The following DNER variants were observed in gnomAD, a reference collection of about 807,000 sequenced individuals.
The protein encoded by DNER is delta/notch like EGF repeat containing.
A neutral mutation model predicts 78.2 loss-of-function variants in DNER; 33 were observed. That is an observed-to-expected ratio of 0.42 (90% CI 0.32 to 0.56). DNER has a LOEUF of 0.56. Among genes scored for constraint, DNER ranks in the 20% least tolerant of loss-of-function variants. The probability of loss-of-function intolerance (pLI) is 0.11; values close to 1 mark genes in which losing one functional copy is unlikely to be tolerated. For synonymous variants in DNER, 417 were observed against 384.8 expected (o/e 1.08, Z -0.98); for missense variants, 918 against 975.3 (o/e 0.94, Z 0.78).
At chr2:229,515,785 C>A (rs1460740519) in intron 5 of DNER, among the ~76,000 whole-genome samples, 4 of 151,922 alleles carry the variant, frequency 2.6e-5, no homozygotes, top group Non-Finnish European at 5.9e-5. Flanking sequence ...GGATTACAGG[C>A]TCCTGCCACC....
chr2:229,609,336 C>A (rs181734577), intron 1 of DNER, among the ~76,000 whole-genome samples: 15 of 152,348 alleles, frequency 9.8e-5, no homozygotes, highest in Admixed American at 6.5e-4. Context: ...ATCTGACCTG[C>A]AACCTGTGTC....
At chr2:229,607,782 G>T (rs1014765569) in intron 1 of DNER, among the ~76,000 whole-genome samples, 6 of 152,060 alleles carry the variant, frequency 3.9e-5, no homozygotes, top group African/African-American at 1.2e-4. Flanking sequence ...CAGCACTTTG[G>T]GGGGCCGAGG....
rs1188720252 is a variant in DNER at position 229,517,162 on chromosome 2, G to GA, written c.994-4227dup. On this transcript the variant is annotated intron_variant, in intron 5 of 12. Transcript: ENST00000341772. ...TTAATAAAAGGAAACTTCTAGGTTAGAAAAAAAATCACACATGCATTCACT... is the reference window on the plus strand; with the variant it reads ...TTAATAAAAGGAAACTTCTAGGTTAGAAAAAAAAATCACACATGCATTCACT... Among the ~76,000 whole-genome samples, 6 of 149,872 alleles carry GA rather than the reference G, an allele frequency of 4.0e-5. No homozygotes were observed. The South Asian group carries it at 6.4e-4, about 16-fold the overall frequency.
At chr2:229,458,919 C>G (rs1262467369) in intron 7 of DNER, among the ~76,000 whole-genome samples, 1 of 152,018 alleles carries the variant, frequency 6.6e-6, no homozygotes, top group Non-Finnish European at 1.5e-5. Context: ...ATTTAGCAAA[C>G]TGTCAGCATA....
At chr2:229,530,330 G>A (rs1406182724) in intron 5 of DNER, among the ~76,000 whole-genome samples, 2 of 152,126 alleles carry the variant, frequency 1.3e-5, no homozygotes, top group Non-Finnish European at 2.9e-5. Flanking sequence ...AATGACCTTT[G>A]AACTCTGGGC....
intron 6 of DNER, among the ~76,000 whole-genome samples, chr2:229,489,973 G>A (rs1382336209): frequency 6.6e-6 from 1 of 152,126 alleles, no homozygotes; most frequent in Non-Finnish European, 1.5e-5. Flanking sequence ...TAACGAGGAA[G>A]AGAGAGTGGA....
chr2:229,638,522 T>A (rs1374254928), intron 1 of DNER, among the ~76,000 whole-genome samples: 1 of 152,188 alleles, frequency 6.6e-6, no homozygotes, highest in Non-Finnish European at 1.5e-5. Flanking sequence ...ATTCGCTTGG[T>A]GCACAAATCT....
chr2:229,488,688 C>T (rs894803432), intron 6 of DNER, among the ~76,000 whole-genome samples: 1 of 152,216 alleles, frequency 6.6e-6, no homozygotes, highest in African/African-American at 2.4e-5. Flanking sequence ...TTTGAAAAGA[C>T]TGTGAGGGCC....
chr2:229,371,599 C>T (rs1046171125), intron 11 of DNER, among the ~76,000 whole-genome samples: 1 of 152,216 alleles, frequency 6.6e-6, no homozygotes, highest in Non-Finnish European at 1.5e-5. Context: ...TTGAGCTAGG[C>T]AGAGGTGCTA....
intron 1 of DNER, among the ~76,000 whole-genome samples, chr2:229,637,768 A>G (rs1698553010): frequency 6.6e-6 from 1 of 152,206 alleles, no homozygotes; most frequent in South Asian, 2.1e-4. Context: ...TTAAATATTT[A>G]CCACTGCTCT....
chr2:229,604,764 C>T (rs191744868), intron 1 of DNER, among the ~76,000 whole-genome samples: 3 of 152,284 alleles, frequency 2.0e-5, no homozygotes, highest in African/African-American at 7.2e-5. Flanking sequence ...ATCAGTGGCT[C>T]TGCAGATAAC....
chr2:229,429,307 C>A (rs994302877), intron 8 of DNER, among the ~76,000 whole-genome samples: 1 of 152,206 alleles, frequency 6.6e-6, no homozygotes, highest in African/African-American at 2.4e-5. Flanking sequence ...ATGGGGAGCA[C>A]TGGACCATCA....
At chr2:229,687,146 C>T (rs931664403) in intron 1 of DNER, among the ~76,000 whole-genome samples, 11 of 152,060 alleles carry the variant, frequency 7.2e-5, no homozygotes, top group African/African-American at 2.4e-4. Flanking sequence ...TGTCATAGAG[C>T]TATGCCATTA....
At chr2:229,521,535 A>G (rs1276894943) in intron 5 of DNER, among the ~76,000 whole-genome samples, 1 of 152,226 alleles carries the variant, frequency 6.6e-6, no homozygotes, top group Non-Finnish European at 1.5e-5. Flanking sequence ...GATACAAAAC[A>G]GTAACCATTG....
At chr2:229,471,071 T>C (rs1198676297) in intron 7 of DNER, among the ~76,000 whole-genome samples, 1 of 152,032 alleles carries the variant, frequency 6.6e-6, no homozygotes, top group South Asian at 2.1e-4. Context: ...ATGTTTCTTA[T>C]GTAAATACAT....
intron 9 of DNER, among the ~76,000 whole-genome samples, chr2:229,414,457 G>C (rs1332062962): frequency 6.6e-6 from 1 of 151,906 alleles, no homozygotes; most frequent in East Asian, 1.9e-4. Flanking sequence ...AGTAGAGACG[G>C]GATTTCACTG....
intron 1 of DNER, among the ~76,000 whole-genome samples, chr2:229,610,096 A>G (rs574431702): frequency 6.6e-6 from 1 of 152,350 alleles, no homozygotes; most frequent in South Asian, 2.1e-4. Flanking sequence ...TAAAATATTA[A>G]CATTGTGCCC....
At chr2:229,571,739 C>A (rs1218512423) in intron 4 of DNER, among the ~76,000 whole-genome samples, 2 of 152,146 alleles carry the variant, frequency 1.3e-5, no homozygotes, top group Non-Finnish European at 2.9e-5. Flanking sequence ...AGACCTCCCC[C>A]CCTGAAACCG....
At chr2:229,678,177 C>A (rs1246615478) in intron 1 of DNER, among the ~76,000 whole-genome samples, 2 of 152,178 alleles carry the variant, frequency 1.3e-5, no homozygotes, top group Non-Finnish European at 2.9e-5. Context: ...TCTTCCAGGG[C>A]AGTACACAGT....
Sources: allele counts gnomAD v4.1 joint callset (sites outside exome capture counted in the v4.1 genomes callset), GRCh38; gene constraint gnomAD v4.1.1; transcripts MANE v1.5; gene names NCBI Gene and HGNC (gene_info 2026-07-23, HGNC 2026-07-21).